The following DAPK2 variants were observed in gnomAD, a reference collection of about 807,000 sequenced individuals.
The protein encoded by DAPK2 is death associated protein kinase 2.
DAPK2 carries 35 observed loss-of-function variants against 44.1 expected under a neutral mutation model. The ratio of observed to expected loss-of-function variants is 0.79; its 90% confidence interval spans 0.61 to 1.05. The LOEUF (loss-of-function observed/expected upper bound fraction) is 1.05, where lower values mean the gene tolerates loss of function less well. DAPK2 is among the 50% of genes least tolerant of loss of function. DAPK2 has a pLI of 0.00. For synonymous variants in DAPK2, 174 were observed against 182.6 expected (o/e 0.95, Z 0.38); for missense variants, 453 against 483.2 (o/e 0.94, Z 0.59).
intron 4 of DAPK2, among the ~76,000 whole-genome samples, chr15:63,938,780 G>A (rs557763485): frequency 1.3e-5 from 2 of 152,354 alleles, no homozygotes; most frequent in South Asian, 4.1e-4. Context: ...CATGAATAAA[G>A]CCAGGCATAG....
Position 64,013,781 on chromosome 15 carries a change from T to C in DAPK2, c.92+26389A>G, listed in dbSNP as rs759754245. ...TTCTGGAAAACTACAGTTGGCCTCA[T>C]ATCACATCAAAGCCAGAGGAAACAT... On this transcript the variant is annotated intron_variant, in intron 1 of 10. Coordinates refer to ENST00000261891, the Ensembl canonical transcript of DAPK2. This position sits in a 1 kb window ranked among gnomAD's most constrained non-coding sequence, Gnocchi z 4.7. 7.9e-5 allele frequency among the ~76,000 whole-genome samples: 12 copies of C among 152,218 alleles called. No homozygotes were observed. The highest frequency in any genetic ancestry group is 1.5e-4 in the Non-Finnish European group (10 of 68,034).
At chr15:64,012,814 T>C (rs767858712) in intron 1 of DAPK2, among the ~76,000 whole-genome samples, 1 of 152,208 alleles carries the variant, frequency 6.6e-6, no homozygotes, top group African/African-American at 2.4e-5. Context: ...GAGGGAACTT[T>C]TAAATGCACT....
intron 1 of DAPK2, among the ~76,000 whole-genome samples, chr15:64,039,479 G>T (rs1379027156): frequency 6.6e-6 from 1 of 152,190 alleles, no homozygotes; most frequent in Admixed American, 6.5e-5. Flanking sequence ...CCTATTTCAT[G>T]CATTGTTATG....
chr15:63,932,035 C>T (rs572526009), intron 4 of DAPK2, among the ~76,000 whole-genome samples: 49 of 151,924 alleles, frequency 3.2e-4, no homozygotes, highest in African/African-American at 1.1e-3. Context: ...GGTATGGTGG[C>T]GGGTGCTTTT....
Position 63,923,060 on chromosome 15 carries a change from G to C in DAPK2, c.858+1756C>G, listed in dbSNP as rs1211691296. ...CCTGAGCTGGGACAGGTCATGCCGGGCGCTCTCATTCTCCTCTCGGTACCA... is the reference window on the plus strand; with the variant it reads ...CCTGAGCTGGGACAGGTCATGCCGGCCGCTCTCATTCTCCTCTCGGTACCA... On this transcript the variant is annotated intron_variant, in intron 8 of 10. Coordinates refer to ENST00000261891, the Ensembl canonical transcript of DAPK2. The surrounding 1 kb of genome is among the most constrained non-coding windows in gnomAD (Gnocchi z 4.2). 3 of 1,535,824 alleles carry C rather than the reference G, an allele frequency of 2.0e-6. No homozygotes were observed. The East Asian group carries it at 7.3e-5, about 38-fold the overall frequency.
At position 63,908,662 on chromosome 15, in the gene DAPK2, C is replaced by T; in HGVS notation, c.1033-62G>A. ...GGATCATGAGACGCCAGGAATGGGG[C>T]TGTGCTGGGCAACCTGGGTTGATTC... On this transcript the variant is annotated intron_variant, in intron 10 of 10. Transcript: ENST00000261891. This position sits in a 1 kb window ranked among gnomAD's most constrained non-coding sequence, Gnocchi z 5.7. The T allele has an allele frequency of 1.4e-6, 2 of 1,416,706 alleles. No homozygotes were observed. Among genetic ancestry groups the T allele is most frequent in the Non-Finnish European group, 9.4e-7 (1 of 1,060,934 alleles). The allele number at this position is 1,416,706 out of a possible 1,614,324, so 87.8% of individuals were successfully genotyped here.
At chr15:63,985,538 C>G (rs1034905921) in intron 1 of DAPK2, among the ~76,000 whole-genome samples, 2 of 152,224 alleles carry the variant, frequency 1.3e-5, no homozygotes, top group Non-Finnish European at 2.9e-5. Context: ...CAGGGCCTGG[C>G]ATTTCAGAGT....
At chr15:64,014,381 C>T (rs1039103717) in intron 1 of DAPK2, among the ~76,000 whole-genome samples, 10 of 152,188 alleles carry the variant, frequency 6.6e-5, no homozygotes, top group Non-Finnish European at 1.3e-4. Context: ...TGATAGTATC[C>T]GATAGTCCAA....
intron 1 of DAPK2, among the ~76,000 whole-genome samples, chr15:64,023,711 T>C (rs950335444): frequency 4.6e-5 from 7 of 152,208 alleles, no homozygotes; most frequent in African/African-American, 1.4e-4. Context: ...TGATGACCAC[T>C]GGGCCTTTAA....
chr15:64,045,976 C>G (rs1293885101), intron 1 of DAPK2, among the ~76,000 whole-genome samples: 1 of 152,234 alleles, frequency 6.6e-6, no homozygotes, highest in Non-Finnish European at 1.5e-5. Context: ...GTGCTCTGCC[C>G]GTTCCAGGGG....
In DAPK2 at chr15:63,990,690, C is replaced by T. The variant is rs908752971; in HGVS notation, c.93-6936G>A. Among the ~76,000 whole-genome samples the T allele has an allele frequency of 2.0e-5, 3 of 152,150 alleles. No homozygotes were observed. Among genetic ancestry groups the T allele is most frequent in the African/African-American group, 7.2e-5 (3 of 41,410 alleles). ...CCTCCTGCTTCCCCACCGCAGACACCGCAGTTCCTCTTTCCACTCTGGAGA... is the reference window on the plus strand; with the variant it reads ...CCTCCTGCTTCCCCACCGCAGACACTGCAGTTCCTCTTTCCACTCTGGAGA... On this transcript the variant is annotated intron_variant, in intron 1 of 10. Transcript: ENST00000261891. This position sits in a 1 kb window ranked among gnomAD's most constrained non-coding sequence, Gnocchi z 4.3.
rs532188597 is a variant in DAPK2 at position 63,923,211 on chromosome 15, G to C, written c.858+1605C>G. ...ACGTCTTCCACCACACAGGCAAAAC[G>C]CTCGAAGTTGACATAGGAGTTGTTG... is the stretch of plus-strand genomic sequence containing the variant. On this transcript the variant is annotated intron_variant, in intron 8 of 10. Transcript: ENST00000261891. This position sits in a 1 kb window ranked among gnomAD's most constrained non-coding sequence, Gnocchi z 4.2. The C allele has an allele frequency of 3.1e-5, 47 of 1,535,894 alleles. No individual in the cohort carries two copies. Among genetic ancestry groups the C allele is most frequent in the Admixed American group, 5.9e-5 (3 of 50,998 alleles).
intron 1 of DAPK2, among the ~76,000 whole-genome samples, chr15:64,019,625 G>A (rs934681955): frequency 3.3e-5 from 5 of 152,200 alleles, no homozygotes; most frequent in African/African-American, 1.2e-4. Context: ...CAATTTCACT[G>A]TTTCTAGAGA....
chr15:64,045,713 A>C (rs894586350), intron 1 of DAPK2, among the ~76,000 whole-genome samples: 3 of 152,194 alleles, frequency 2.0e-5, no homozygotes, highest in Admixed American at 6.5e-5. Context: ...CCTAGCCCAG[A>C]GTCCTAGTCA....
At chr15:64,039,158 G>A (rs537587098) in intron 1 of DAPK2, among the ~76,000 whole-genome samples, 3 of 152,316 alleles carry the variant, frequency 2.0e-5, no homozygotes, top group African/African-American at 7.2e-5. Context: ...TCATGGGCAT[G>A]CGTCCTCAAT....
Position 64,002,957 on chromosome 15 carries a change from T to G in DAPK2, c.93-19203A>C, listed in dbSNP as rs2079127098. ...GTGTGTGTGTGTGTGTGTGTGTGTG[T>G]GTGTGTGTCGTGGGACCTGTGTGTG... On this transcript the variant is annotated intron_variant, in intron 1 of 10. Coordinates refer to ENST00000261891, the Ensembl canonical transcript of DAPK2. 2.1e-4 allele frequency among the ~76,000 whole-genome samples: 23 copies of G among 111,250 alleles called. No individual in the cohort carries two copies. The East Asian group carries it at 5.0e-3, about 24-fold the overall frequency. The allele number at this position is 111,250 out of a possible 152,430, so 73.0% of individuals were successfully genotyped here.
chr15:64,014,773 AGCTGGGCATGGT>A (rs2079477794), intron 1 of DAPK2, among the ~76,000 whole-genome samples: 1 of 152,142 alleles, frequency 6.6e-6, no homozygotes, highest in Non-Finnish European at 1.5e-5. Context: ...TACAAAAATT[AGCTGGGCATGGT>A]GGTGGGCACC....
Position 63,923,445 on chromosome 15 carries a change from TCAC to T in DAPK2, c.858+1368_858+1370del. 3 of 1,469,330 alleles carry T rather than the reference TCAC, an allele frequency of 2.0e-6. No individual in the cohort carries two copies. The South Asian group carries it at 4.1e-5, about 20-fold the overall frequency. 91.0% of individuals were successfully genotyped at this position (1,469,330 alleles called of 1,614,324 possible). A position where few individuals can be genotyped will look rare whatever the true frequency, so the allele number is the denominator to read the frequency against. On this transcript the variant is annotated intron_variant, in intron 8 of 10. Transcript: ENST00000261891. This position sits in a 1 kb window ranked among gnomAD's most constrained non-coding sequence, Gnocchi z 4.2. ...AAGGCACACAAGCGGCCTCTGGCATTCACTGCATGCGTCAGGCCATGGGGAGAA... is the reference window on the plus strand; with the variant it reads ...AAGGCACACAAGCGGCCTCTGGCATTTGCATGCGTCAGGCCATGGGGAGAA...
At chr15:63,972,702 T>C (rs949715327) in intron 2 of DAPK2, among the ~76,000 whole-genome samples, 1 of 152,186 alleles carries the variant, frequency 6.6e-6, no homozygotes, top group Non-Finnish European at 1.5e-5. Context: ...AGTGTCCTGG[T>C]TCCTCTTGAC....
Sources: gnomAD v4.1 joint callset for allele counts (sites outside exome capture counted in the v4.1 genomes callset) on GRCh38, gnomAD v4.1.1 for gene constraint, Gnocchi (gnomAD v3.1) non-coding constraint, MANE v1.5 for transcripts, NCBI Gene and HGNC (gene_info 2026-07-23, HGNC 2026-07-21) for gene names.